Variants in ZDHHC21 observed in about 807,000 individuals in gnomAD.
The protein encoded by ZDHHC21 is palmitoyltransferase ZDHHC21.
ZDHHC21 carries 15 observed loss-of-function variants against 34.6 expected under a neutral mutation model. That is an observed-to-expected ratio of 0.43 (90% CI 0.29 to 0.67). ZDHHC21 has a LOEUF of 0.67. Among genes scored for constraint, ZDHHC21 ranks in the 30% least tolerant of loss-of-function variants. The pLI, the probability that ZDHHC21 is intolerant of heterozygous loss-of-function variation, is 0.14. For missense variants in ZDHHC21, 344 were observed against 327.7 expected (o/e 1.05, Z -0.38); for synonymous variants, 142 against 101.8 (o/e 1.40, Z -2.38).
intron 5 of ZDHHC21, among the ~76,000 whole-genome samples, chr9:14,663,794 C>G (rs1006659555): frequency 6.6e-6 from 1 of 152,048 alleles, no homozygotes; most frequent in African/African-American, 2.4e-5. Context: ...TCATCTCTTA[C>G]AGTTATTTTA....
chr9:14,637,216 C>A (rs1828465332), intron 8 of ZDHHC21, among the ~76,000 whole-genome samples: 1 of 151,884 alleles, frequency 6.6e-6, no homozygotes, highest in Admixed American at 6.6e-5. Context: ...AAAAAGAAGA[C>A]ATTACAGCTG....
chr9:14,677,512 G>A (rs1038589374), intron 3 of ZDHHC21: 1 of 151,940 alleles, frequency 6.6e-6, no homozygotes, highest in Admixed American at 6.6e-5. Flanking sequence ...TGAACACAAT[G>A]CTGTTACTCG....
chr9:14,622,431 A>T, intron 8 of ZDHHC21: 1 of 666,674 alleles, frequency 1.5e-6, no homozygotes, highest in Non-Finnish European at 1.9e-6. Context: ...AGTTCCTAAG[A>T]GAAAAGGAGA....
At chr9:14,680,674 C>T (rs1434156367) in intron 2 of ZDHHC21, among the ~76,000 whole-genome samples, 3 of 152,074 alleles carry the variant, frequency 2.0e-5, no homozygotes, top group African/African-American at 4.8e-5. Flanking sequence ...ATAACATATA[C>T]TAATTCACTA....
chr9:14,603,892 G>A, the ZDHHC21 span, among the ~76,000 whole-genome samples: 168 of 152,194 alleles, frequency 1.1e-3, 1 homozygote, highest in African/African-American at 4.0e-3. Flanking sequence ...ATTTATAGTC[G>A]TAGATGTTGA....
chr9:14,688,336 A>C lies in ZDHHC21; in HGVS notation c.-176+2001T>G, dbSNP rs1010786534. ...TACAGGGGAGCGAAGGAGAGAGCAG[A>C]GGAAGGGAAAGTGAAAGATAAGTTT... On this transcript the variant is annotated intron_variant, in intron 2 of 9. Coordinates refer to ENST00000380916, the MANE Select transcript of ZDHHC21 (RefSeq NM_178566.6). 2.0e-5 allele frequency among the ~76,000 whole-genome samples: 3 copies of C among 150,942 alleles called. 1 individual carries two copies. The highest frequency in any genetic ancestry group is 7.5e-5 in the African/African-American group (3 of 40,188).
In ZDHHC21 at chr9:14,674,199, T is replaced by C. The variant is rs1213319548; in HGVS notation, c.142A>G (p.Ile48Val). 6.7e-7 allele frequency: 1 copy of C among 1,502,440 alleles called. No individual in the cohort carries two copies. 93.1% of individuals were successfully genotyped at this position (1,502,440 alleles called of 1,614,324 possible). ...PHYEEGHIPG[I>V]LIIIFYGISI... ...TCAAGAAACTTACTTATTATTAATATGCCTGGAATATGTCCTTCTTCATAG... is the reference window on the plus strand; with the variant it reads ...TCAAGAAACTTACTTATTATTAATACGCCTGGAATATGTCCTTCTTCATAG... Residue 48 changes from isoleucine (I) to valine (V), a missense_variant, in exon 4 of 10, where the codon ATA becomes GTA. Physicochemically the swap from Ile to Val is conservative, Grantham distance 29. Transcript: ENST00000380916.
intron 7 of ZDHHC21, among the ~76,000 whole-genome samples, chr9:14,647,922 C>T (rs1830549636): frequency 6.6e-6 from 1 of 152,064 alleles, no homozygotes; most frequent in African/African-American, 2.4e-5. Context: ...TAGCTCAGAC[C>T]ACCCCATTGA....
At chr9:14,646,466 T>TA (rs1188849862) in intron 7 of ZDHHC21, among the ~76,000 whole-genome samples, 4 of 151,996 alleles carry the variant, frequency 2.6e-5, no homozygotes, top group Non-Finnish European at 5.9e-5. Context: ...AAATGGCCTA[T>TA]AAAAAACAGA....
At chr9:14,619,818 T>G (rs1824965042) in intron 8 of ZDHHC21, 136 bp from the exon 9 acceptor site, 2 of 426,994 alleles carry the variant, frequency 4.7e-6, no homozygotes, top group East Asian at 1.2e-4. Context: ...GTATTATGAA[T>G]TTTAAATTAT....
intron 3 of ZDHHC21, among the ~76,000 whole-genome samples, chr9:14,674,990 T>C (rs1836117575): frequency 1.3e-5 from 2 of 152,028 alleles, no homozygotes; most frequent in Admixed American, 1.3e-4. Context: ...AATTTTAAAC[T>C]ACAATAAAAC....
intron 6 of ZDHHC21, among the ~76,000 whole-genome samples, chr9:14,659,541 TG>T (rs1457369891): frequency 6.6e-6 from 1 of 152,214 alleles, no homozygotes; most frequent in African/African-American, 2.4e-5. Flanking sequence ...AATATTTTAT[TG>T]TTCCAAATTT....
At position 14,691,372 on chromosome 9, in the gene ZDHHC21, C is replaced by T. The variant is rs79690443; in HGVS notation, c.-224-987G>A. On this transcript the variant is annotated intron_variant, in intron 1 of 9. Coordinates refer to ENST00000380916, the MANE Select transcript of ZDHHC21 (RefSeq NM_178566.6). Reference sequence around the variant, plus strand: ...GGTCCCTGGATTGTAACTGCAGAGACCATTTGAGTTACGGTCTTTTTCAAG... The same window carrying T: ...GGTCCCTGGATTGTAACTGCAGAGATCATTTGAGTTACGGTCTTTTTCAAG... 1.2e-4 allele frequency among the ~76,000 whole-genome samples: 18 copies of T among 152,276 alleles called. No homozygotes were observed. In the East Asian group the frequency reaches 2.9e-3, roughly 24 times the overall value.
Position 14,619,096 on chromosome 9 carries a change from GA to G in ZDHHC21, c.667del (p.Ser223ArgfsTer64). The G allele has an allele frequency of 6.2e-7, 1 of 1,606,268 alleles. No individual in the cohort carries two copies. Among genetic ancestry groups the G allele is most frequent in the Non-Finnish European group, 8.5e-7 (1 of 1,176,492 alleles). On this transcript the variant is annotated frameshift_variant and splice_region_variant, in exon 10 of 10. Coordinates refer to ENST00000380916, the MANE Select transcript of ZDHHC21 (RefSeq NM_178566.6). LOFTEE classifies it high-confidence loss of function. ...EKMSNCCEDISRPRKPWQQTF... is the reference protein window; with the variant it reads ...EKMSNCCEDIXRPRKPWQQTF... ...CTGCTGCCATGGCTTTCGGGGCCTC[GA>G]TCTACAGAAGACAGCATTATTAGTG...
At chr9:14,670,317 T>TA (rs1421433326) in intron 5 of ZDHHC21, among the ~76,000 whole-genome samples, 1 of 152,152 alleles carries the variant, frequency 6.6e-6, no homozygotes, top group Non-Finnish European at 1.5e-5. Context: ...AGACCACAGA[T>TA]ACAAACTACA....
At chr9:14,688,794 G>A (rs181473541) in intron 2 of ZDHHC21, among the ~76,000 whole-genome samples, 18 of 152,264 alleles carry the variant, frequency 1.2e-4, no homozygotes, top group East Asian at 3.9e-4. Context: ...CCCGGGAGGC[G>A]GAGGTTGCAG....
intron 6 of ZDHHC21, among the ~76,000 whole-genome samples, chr9:14,660,019 C>A (rs1833052487): frequency 6.6e-6 from 1 of 152,108 alleles, no homozygotes; most frequent in Non-Finnish European, 1.5e-5. Flanking sequence ...CTTTAAGAAG[C>A]ACTAAGGTAT....
chr9:14,677,155 T>G (rs553276222), intron 3 of ZDHHC21, among the ~76,000 whole-genome samples: 2 of 152,020 alleles, frequency 1.3e-5, no homozygotes, highest in South Asian at 2.1e-4. Flanking sequence ...AAAGTATAGT[T>G]TAAAATATGT....
At chr9:14,656,512 G>C (rs181048540) in intron 7 of ZDHHC21, among the ~76,000 whole-genome samples, 1 of 151,696 alleles carries the variant, frequency 6.6e-6, no homozygotes, top group South Asian at 2.1e-4. Flanking sequence ...AAAATTACTC[G>C]ATTCCTCAAT....
Sources: allele counts gnomAD v4.1 joint callset (sites outside exome capture counted in the v4.1 genomes callset), GRCh38; gene constraint gnomAD v4.1.1; transcripts MANE v1.5; gene names NCBI Gene and HGNC (gene_info 2026-07-23, HGNC 2026-07-21).